The following TMEFF1 variants were observed in gnomAD, a reference collection of about 807,000 sequenced individuals.
TMEFF1 encodes tomoregulin-1.
Under a neutral mutation model 47.5 loss-of-function variants are expected in TMEFF1, and 20 were observed. That is an observed-to-expected ratio of 0.42 (90% CI 0.30 to 0.61). TMEFF1 has a LOEUF of 0.61. TMEFF1 is among the 20% of genes least tolerant of loss of function. The pLI, the probability that TMEFF1 is intolerant of heterozygous loss-of-function variation, is 0.19. For synonymous variants in TMEFF1, 162 were observed against 166.3 expected, an observed-to-expected ratio of 0.97 and a Z score of 0.20; for missense variants, 411 against 471.1, an observed-to-expected ratio of 0.87 and a Z score of 1.18.
chr9:100,569,705 G>T (rs983748212), intron 8 of TMEFF1, among the ~76,000 whole-genome samples: 2 of 151,930 alleles, frequency 1.3e-5, no homozygotes, highest in African/African-American at 2.4e-5. Flanking sequence ...TACATATTAT[G>T]TACATCATAT....
chr9:100,489,847 G>A (rs1254771655), intron 1 of TMEFF1, among the ~76,000 whole-genome samples: 3 of 152,182 alleles, frequency 2.0e-5, no homozygotes, highest in Non-Finnish European at 4.4e-5. Flanking sequence ...ACATCCATGA[G>A]GAAGAGAGTG....
chr9:100,544,028 T>A (rs568047576), intron 5 of TMEFF1, among the ~76,000 whole-genome samples: 2 of 152,188 alleles, frequency 1.3e-5, no homozygotes, highest in East Asian at 1.9e-4. Flanking sequence ...GCAACCTTTT[T>A]AATTTTTTAA....
intron 5 of TMEFF1, among the ~76,000 whole-genome samples, chr9:100,534,479 G>A (rs112830539): frequency 5.5e-4 from 84 of 152,252 alleles, no homozygotes; most frequent in South Asian, 2.3e-3. Flanking sequence ...TTGAGTGCAC[G>A]CTTCTGTGCT....
At chr9:100,550,192 A>G (rs772897329) in intron 7 of TMEFF1, 32 bp downstream of exon 7, 4 of 1,601,014 alleles carry the variant, frequency 2.5e-6, no homozygotes, top group Non-Finnish European at 3.4e-6. Flanking sequence ...AATTTTGGCC[A>G]GCTATGGAAA....
chr9:100,525,879 C>T (rs1838245452), intron 5 of TMEFF1, among the ~76,000 whole-genome samples: 1 of 152,096 alleles, frequency 6.6e-6, no homozygotes, highest in Non-Finnish European at 1.5e-5. Context: ...TATTATTATA[C>T]CACTAGGATC....
At chr9:100,571,063 C>T (rs1275264915) in intron 8 of TMEFF1, among the ~76,000 whole-genome samples, 1 of 152,106 alleles carries the variant, frequency 6.6e-6, no homozygotes, top group Non-Finnish European at 1.5e-5. Flanking sequence ...AGATTAGCAC[C>T]TACAGCTTAC....
At chr9:100,507,474 C>T (rs898564328) in intron 2 of TMEFF1, among the ~76,000 whole-genome samples, 1 of 152,142 alleles carries the variant, frequency 6.6e-6, no homozygotes, top group Non-Finnish European at 1.5e-5. Context: ...TACATTCCCA[C>T]CTGTGTAGCA....
In TMEFF1 at chr9:100,516,726, C is replaced by A; in HGVS notation, c.515C>A (p.Pro172His). Reference sequence around the variant, plus strand: ...CACAGAAAACACTCCAAGTGTGGACCCTGCAAATATAAAGCTGAGTGTGAT... The same window carrying A: ...CACAGAAAACACTCCAAGTGTGGACACTGCAAATATAAAGCTGAGTGTGAT... ...EVHRKHSKCG[P>H]CKYKAECDED... Residue 172 changes from proline (P) to histidine (H), a missense_variant, in exon 5 of 10, where the codon CCC becomes CAC. Transcript: ENST00000374879. The A allele has an allele frequency of 6.2e-7, 1 of 1,613,590 alleles. No individual in the cohort carries two copies. The highest frequency in any genetic ancestry group is 8.5e-7 in the Non-Finnish European group (1 of 1,179,806).
intron 5 of TMEFF1, among the ~76,000 whole-genome samples, chr9:100,523,861 T>G (rs1838210033): frequency 6.6e-6 from 1 of 152,226 alleles, no homozygotes; most frequent in African/African-American, 2.4e-5. Context: ...GTATTATCCC[T>G]GTTTTAAAGA....
At chr9:100,530,914 A>G (rs1017426624) in intron 5 of TMEFF1, among the ~76,000 whole-genome samples, 1 of 152,310 alleles carries the variant, frequency 6.6e-6, no homozygotes, top group South Asian at 2.1e-4. Flanking sequence ...CATCCCTGGC[A>G]TGCAAGGCTG....
At chr9:100,501,926 A>G (rs1380024584) in intron 2 of TMEFF1, among the ~76,000 whole-genome samples, 1 of 152,184 alleles carries the variant, frequency 6.6e-6, no homozygotes, top group Non-Finnish European at 1.5e-5. Context: ...TACAGGCATG[A>G]GCCACCGCGC....
rs775464550 is a variant in TMEFF1 at position 100,576,562 on chromosome 9, G to T, written c.1105G>T (p.Gly369Cys). Residue 369 changes from glycine to cysteine, a missense_variant, in exon 10 of 10, where the codon GGT (glycine) becomes TGT (cysteine). By Grantham distance (159) the Gly-to-Cys change is radical (BLOSUM62 -3). Coordinates refer to ENST00000374879, the MANE Select transcript of TMEFF1 (RefSeq NM_003692.5). ...NRGRRQKQNL[G>C]HFTSDTSSRM... The stretch of plus-strand genomic sequence containing the variant: ...AGGACGTCGACAGAAGCAAAACCTA[G>T]GTCATTTTACTTCAGATACGTCATC... 27 of 1,612,802 alleles carry T rather than the reference G, an allele frequency of 1.7e-5. No homozygotes were observed. Among genetic ancestry groups the T allele is most frequent in the Non-Finnish European group, 2.2e-5 (26 of 1,179,504 alleles).
At chr9:100,506,649 C>T (rs1837868215) in intron 2 of TMEFF1, among the ~76,000 whole-genome samples, 1 of 151,588 alleles carries the variant, frequency 6.6e-6, no homozygotes, top group Non-Finnish European at 1.5e-5. Flanking sequence ...CGCCTGTAGT[C>T]CCAGCTACTC....
At chr9:100,561,624 G>A (rs959454734) in intron 8 of TMEFF1, 104 bp downstream of exon 8, 3 of 1,343,082 alleles carry the variant, frequency 2.2e-6, no homozygotes. Context: ...AGAAAGTAGT[G>A]TTTATTTGCA....
intron 5 of TMEFF1, among the ~76,000 whole-genome samples, chr9:100,535,611 A>T (rs1399989842): frequency 6.6e-6 from 1 of 152,220 alleles, no homozygotes; most frequent in African/African-American, 2.4e-5. Flanking sequence ...CCTCTACCAA[A>T]AATATAAAAA....
intron 3 of TMEFF1, among the ~76,000 whole-genome samples, chr9:100,510,328 A>C (rs1837938772): frequency 6.6e-6 from 1 of 152,188 alleles, no homozygotes; most frequent in Non-Finnish European, 1.5e-5. Context: ...TGCCCAGAAG[A>C]TTCTGGGAAG....
chr9:100,481,482 A>C (rs922225487), intron 1 of TMEFF1, among the ~76,000 whole-genome samples: 1 of 152,254 alleles, frequency 6.6e-6, no homozygotes, highest in African/African-American at 2.4e-5. Flanking sequence ...GGTGGAAAAG[A>C]GAAGGGAGTC....
At chr9:100,554,522 G>A (rs1435694408) in intron 7 of TMEFF1, among the ~76,000 whole-genome samples, 1 of 152,010 alleles carries the variant, frequency 6.6e-6, no homozygotes, top group Non-Finnish European at 1.5e-5. Flanking sequence ...ATTTTCTAAG[G>A]GAGTAGTTGA....
chr9:100,479,414 A>G (rs1360416603), intron 1 of TMEFF1, among the ~76,000 whole-genome samples: 1 of 152,212 alleles, frequency 6.6e-6, no homozygotes, highest in East Asian at 1.9e-4. Context: ...TAAAAGGGGT[A>G]CAGTTAAGTG....
Sources: allele counts gnomAD v4.1 joint callset (sites outside exome capture counted in the v4.1 genomes callset), GRCh38; gene constraint gnomAD v4.1.1; transcripts MANE v1.5; gene names NCBI Gene and HGNC (gene_info 2026-07-23, HGNC 2026-07-21).